The following BAIAP2 variants were observed in gnomAD, a reference collection of about 807,000 sequenced individuals.
The protein encoded by BAIAP2 is BAR/IMD domain-containing adapter protein 2.
Under a neutral mutation model 63.0 loss-of-function variants are expected in BAIAP2, and 18 were observed. The ratio of observed to expected loss-of-function variants is 0.29; its 90% CI spans 0.20 to 0.42. The LOEUF is 0.42. BAIAP2 is among the 10% of genes least tolerant of loss of function. The probability of loss-of-function intolerance (pLI) is 1.00; values close to 1 mark genes in which losing one functional copy is unlikely to be tolerated. For synonymous variants in BAIAP2, 386 were observed against 307.6 expected, an observed-to-expected ratio of 1.25 and a Z score of -2.67; for missense variants, 610 against 734.3, an observed-to-expected ratio of 0.83 and a Z score of 1.96.
chr17:81,111,975 T>C (rs936898885), intron 13 of BAIAP2, among the ~76,000 whole-genome samples: 1 of 152,272 alleles, frequency 6.6e-6, no homozygotes, highest in Non-Finnish European at 1.5e-5. Context: ...ATCATGGATC[T>C]GTCTTCTTTC....
chr17:81,083,717 C>G (rs2055042911), intron 3 of BAIAP2: 1 of 152,238 alleles, frequency 6.6e-6, no homozygotes, highest in Admixed American at 6.5e-5. Context: ...CTAGCCAGCC[C>G]CCTGGGCTGA....
chr17:81,047,469 C>T (rs2047983563), intron 1 of BAIAP2, among the ~76,000 whole-genome samples: 2 of 152,260 alleles, frequency 1.3e-5, no homozygotes, highest in Admixed American at 1.3e-4. Flanking sequence ...CCTGGCCACA[C>T]ACAGACACAT....
intron 1 of BAIAP2, among the ~76,000 whole-genome samples, chr17:81,039,130 C>T (rs1458980156): frequency 1.6e-4 from 25 of 152,240 alleles, no homozygotes. Flanking sequence ...ATGTGCATGT[C>T]TGTGTTACCC....
intron 3 of BAIAP2, among the ~76,000 whole-genome samples, chr17:81,064,946 C>T (rs983377049): frequency 1.3e-5 from 2 of 152,232 alleles, no homozygotes; most frequent in Non-Finnish European, 2.9e-5. Flanking sequence ...ATCCCCTAGC[C>T]GGCAGCCACC....
chr17:81,089,471 C>T (rs1286929436), intron 6 of BAIAP2, among the ~76,000 whole-genome samples: 1 of 152,206 alleles, frequency 6.6e-6, no homozygotes, highest in African/African-American at 2.4e-5. Context: ...AACCATTTGG[C>T]AACAGAACTA....
At chr17:81,043,567 C>T (rs1187985984) in intron 1 of BAIAP2, among the ~76,000 whole-genome samples, 2 of 152,194 alleles carry the variant, frequency 1.3e-5, no homozygotes, top group African/African-American at 4.8e-5. Flanking sequence ...GGGCCCACAG[C>T]GTCCTGGCAC....
Position 81,116,676 on chromosome 17 carries a change from T to G in BAIAP2, c.*837T>G, listed in dbSNP as rs2060557606. On this transcript the variant is annotated 3_prime_UTR_variant, in exon 14 of 14. Coordinates refer to ENST00000428708, the MANE Select transcript of BAIAP2 (RefSeq NM_001144888.2). The stretch of plus-strand genomic sequence containing the variant: ...CACCTCCGCTGACTCCTGCAGGCAC[T>G]GGGGAGCTCTGCTGGAATTGGGGGT... 3.3e-6 allele frequency: 1 copy of G among 306,046 alleles called. No homozygotes were observed. The highest frequency in any genetic ancestry group is 6.3e-6 in the Non-Finnish European group (1 of 159,198). The allele number at this position is 306,046 out of a possible 1,614,324, so 19.0% of individuals were successfully genotyped here.
intron 3 of BAIAP2, among the ~76,000 whole-genome samples, chr17:81,063,030 C>T (rs1180204060): frequency 1.3e-5 from 2 of 150,990 alleles, no homozygotes; most frequent in Non-Finnish European, 2.9e-5. Context: ...TGAACAGCAT[C>T]ACTCCATGAT....
intron 3 of BAIAP2, among the ~76,000 whole-genome samples, chr17:81,071,137 A>G (rs1472613834): frequency 6.6e-6 from 1 of 150,812 alleles, no homozygotes; most frequent in Non-Finnish European, 1.5e-5. Context: ...CGCTGGCCAC[A>G]TTCCATTTTT....
At chr17:81,060,077 G>A (rs960693590) in intron 3 of BAIAP2, among the ~76,000 whole-genome samples, 4 of 152,068 alleles carry the variant, frequency 2.6e-5, no homozygotes, top group Non-Finnish European at 4.4e-5. Context: ...TCTCTCCCCG[G>A]GCTCCTCCTG....
At chr17:81,042,019 C>T (rs2047143069) in intron 1 of BAIAP2, among the ~76,000 whole-genome samples, 1 of 152,198 alleles carries the variant, frequency 6.6e-6, no homozygotes, top group African/African-American at 2.4e-5. Context: ...CACTGGGCAC[C>T]TGCCCCTGAG....
chr17:81,045,674 C>G (rs2047699831), intron 1 of BAIAP2, among the ~76,000 whole-genome samples: 2 of 152,150 alleles, frequency 1.3e-5, no homozygotes, highest in South Asian at 4.1e-4. Context: ...CACGCTGATC[C>G]CACCATGACC....
chr17:81,058,505 T>G (rs1162729339), intron 3 of BAIAP2, among the ~76,000 whole-genome samples: 1 of 152,216 alleles, frequency 6.6e-6, no homozygotes, highest in Non-Finnish European at 1.5e-5. Flanking sequence ...GCCCACGTGG[T>G]GGTGCTGCAG....
intron 6 of BAIAP2, among the ~76,000 whole-genome samples, chr17:81,098,971 TCCCCCCATCCCCCCATCCCC>T (rs2058093314): frequency 2.3e-4 from 1 of 4,262 alleles, no homozygotes; most frequent in Admixed American, 3.1e-3. Flanking sequence ...CGTCCCCCCA[TCCCCCCATCCCCCCATCCCC>T]CCATCCCCCC....
At chr17:81,044,444 C>A (rs1050386544) in intron 1 of BAIAP2, among the ~76,000 whole-genome samples, 5 of 152,258 alleles carry the variant, frequency 3.3e-5, no homozygotes, top group African/African-American at 1.2e-4. Context: ...TTATCTGTGC[C>A]CTCTTTCTTG....
At position 81,035,170 on chromosome 17, in the gene BAIAP2, G is replaced by C; in HGVS notation, c.-85G>C. On this transcript the variant is annotated 5_prime_UTR_variant, in exon 1 of 14. Transcript: ENST00000428708. Reference sequence around the variant, plus strand: ...GGCTCTGTGGTTCGGGTCCGCTTTCGTCTCCGTCCTGCTGCCGTTACCGCC... The same window carrying C: ...GGCTCTGTGGTTCGGGTCCGCTTTCCTCTCCGTCCTGCTGCCGTTACCGCC... 3 of 1,184,202 alleles carry C rather than the reference G, an allele frequency of 2.5e-6. No individual in the cohort carries two copies. The highest frequency in any genetic ancestry group is 3.4e-6 in the Non-Finnish European group (3 of 878,264). 73.4% of individuals were successfully genotyped at this position (1,184,202 alleles called of 1,614,324 possible).
chr17:81,116,223 G>A lies in BAIAP2; in HGVS notation c.*384G>A. On this transcript the variant is annotated 3_prime_UTR_variant, in exon 14 of 14. Transcript: ENST00000428708. ...CCTGCCTAATAAACAGGCTTCTCCTGCACCAGGTGTGATCTGTCCGCCCAA... is the reference window on the plus strand; with the variant it reads ...CCTGCCTAATAAACAGGCTTCTCCTACACCAGGTGTGATCTGTCCGCCCAA... The A allele has an allele frequency of 1.2e-6, 2 of 1,612,446 alleles. No individual in the cohort carries two copies. Among genetic ancestry groups the A allele is most frequent in the Non-Finnish European group, 1.7e-6 (2 of 1,179,806 alleles).
intron 1 of BAIAP2, among the ~76,000 whole-genome samples, chr17:81,045,116 G>A (rs1006778311): frequency 3.9e-5 from 6 of 152,220 alleles, no homozygotes; most frequent in African/African-American, 1.2e-4. Flanking sequence ...GGTGTCCTGC[G>A]TGCAAGGCCC....
chr17:81,035,995 G>C (rs1013299638), intron 1 of BAIAP2: 1 of 152,246 alleles, frequency 6.6e-6, no homozygotes, highest in Non-Finnish European at 1.5e-5. Flanking sequence ...GGAGGCTGAC[G>C]TGCCTGCCTT....
Sources: gnomAD v4.1 joint callset for allele counts (sites outside exome capture counted in the v4.1 genomes callset) on GRCh38, gnomAD v4.1.1 for gene constraint, MANE v1.5 for transcripts, NCBI Gene and HGNC (gene_info 2026-07-23, HGNC 2026-07-21) for gene names.